PHF21A: variants seen among roughly 807,000 people sequenced by gnomAD.
PHF21A encodes BHC80a.
A neutral mutation model predicts 82.5 loss-of-function variants in PHF21A; 11 were observed. The ratio of observed to expected loss-of-function variants is 0.13; its 90% CI spans 0.08 to 0.22. PHF21A has a LOEUF of 0.22. Among genes scored for constraint, PHF21A ranks in the 10% least tolerant of loss-of-function variants. The pLI, the probability that PHF21A is intolerant of heterozygous loss-of-function variation, is 1.00. For synonymous variants in PHF21A, 297 were observed against 302.8 expected (o/e 0.98, Z 0.20); for missense variants, 579 against 837.8 (o/e 0.69, Z 3.81).
At position 46,079,916 on chromosome 11, in the gene PHF21A, G is replaced by A. The variant is rs11820157; in HGVS notation, c.55-750C>T. Among the ~76,000 whole-genome samples the A allele has an allele frequency of 6.9e-3, 1,057 of 152,210 alleles. 9 individuals are homozygous for A. The highest frequency in any genetic ancestry group is 0.024 in the African/African-American group (1,007 of 41,542). On this transcript the variant is annotated intron_variant, in intron 4 of 18. Transcript: ENST00000676320. ...GAAAGGAAAGGAAAGGAAGAAAAAT[G>A]AATGTCTTTTGACCTAACCCAACTT...
intron 6 of PHF21A, among the ~76,000 whole-genome samples, chr11:45,989,689 A>AAT (rs1201674507): frequency 2.0e-5 from 3 of 150,130 alleles, no homozygotes; most frequent in Non-Finnish European, 4.4e-5. Flanking sequence ...TAAATAAATA[A>AAT]AAATAAAAAT....
chr11:46,105,713 T>C (rs575601486), intron 1 of PHF21A, among the ~76,000 whole-genome samples: 7 of 152,164 alleles, frequency 4.6e-5, no homozygotes, highest in African/African-American at 1.7e-4. Context: ...AAAAGCAAAA[T>C]TCTCATAATT....
At chr11:46,076,205 T>C (rs2096723147) in intron 6 of PHF21A, among the ~76,000 whole-genome samples, 1 of 152,260 alleles carries the variant, frequency 6.6e-6, no homozygotes, top group Non-Finnish European at 1.5e-5. Flanking sequence ...AAGCAAGATG[T>C]TCTTCTCCTG....
intron 4 of PHF21A, among the ~76,000 whole-genome samples, chr11:46,080,333 A>AT (rs2096775547): frequency 6.6e-6 from 1 of 151,220 alleles, no homozygotes; most frequent in African/African-American, 2.4e-5. Flanking sequence ...TAATTTTTTA[A>AT]TTTTTTGTAG....
intron 6 of PHF21A, among the ~76,000 whole-genome samples, chr11:46,043,265 T>C (rs2096188978): frequency 6.6e-6 from 1 of 152,184 alleles, no homozygotes; most frequent in South Asian, 2.1e-4. Flanking sequence ...CAAGGACTTC[T>C]TTCGAAAGTT....
At chr11:46,020,761 T>C (rs1411243722) in intron 6 of PHF21A, among the ~76,000 whole-genome samples, 2 of 152,222 alleles carry the variant, frequency 1.3e-5, no homozygotes, top group Non-Finnish European at 2.9e-5. Flanking sequence ...ATGATAGTTA[T>C]GGTTGAAAAA....
At chr11:45,952,682 G>C (rs1360864883) in intron 11 of PHF21A, among the ~76,000 whole-genome samples, 1 of 152,124 alleles carries the variant, frequency 6.6e-6, no homozygotes, top group African/African-American at 2.4e-5. Context: ...TAGGAAACCT[G>C]AACTGGCTCA....
chr11:45,972,556 T>C (rs567379035), intron 7 of PHF21A, among the ~76,000 whole-genome samples: 2 of 152,342 alleles, frequency 1.3e-5, no homozygotes, highest in South Asian at 2.1e-4. Flanking sequence ...GGCAGGTGGA[T>C]CGTCTGAGGT....
At chr11:46,082,551 T>A (rs2096804919) in intron 4 of PHF21A, among the ~76,000 whole-genome samples, 1 of 152,194 alleles carries the variant, frequency 6.6e-6, no homozygotes, top group African/African-American at 2.4e-5. Flanking sequence ...AAATGTTGTA[T>A]AAAGGATGAA....
chr11:45,936,684 T>C (rs1172222000), intron 16 of PHF21A, 115 bp from the exon 17 acceptor site: 3 of 738,096 alleles, frequency 4.1e-6, no homozygotes, highest in Non-Finnish European at 4.8e-6. Context: ...GAAGGATTTA[T>C]GGTAGCAGTG....
chr11:45,965,272 C>A, intron 10 of PHF21A, 43 bp downstream of exon 10: 1 of 1,573,156 alleles, frequency 6.4e-7, no homozygotes, highest in Non-Finnish European at 8.7e-7. Context: ...TATGCCTCAA[C>A]GACAAGGCTA....
At chr11:46,097,371 C>T (rs557196659) in intron 1 of PHF21A, among the ~76,000 whole-genome samples, 1 of 152,244 alleles carries the variant, frequency 6.6e-6, no homozygotes, top group South Asian at 2.1e-4. Context: ...ATCGCTCAAT[C>T]CTTTCCAGCA....
chr11:46,005,066 C>A (rs897244355), intron 6 of PHF21A, among the ~76,000 whole-genome samples: 1 of 152,104 alleles, frequency 6.6e-6, no homozygotes, highest in African/African-American at 2.4e-5. Context: ...ATACAGCAGT[C>A]CCCCACATCA....
chr11:45,989,428 G>C (rs2094600963), intron 6 of PHF21A, among the ~76,000 whole-genome samples: 1 of 147,728 alleles, frequency 6.8e-6, no homozygotes. Context: ...GCCGAAGTGG[G>C]CAGATCACAA....
intron 6 of PHF21A, among the ~76,000 whole-genome samples, chr11:46,046,221 A>G (rs1163447825): frequency 1.3e-5 from 2 of 152,170 alleles, no homozygotes; most frequent in Admixed American, 6.5e-5. Flanking sequence ...CAGCAGCAGA[A>G]ATCCAGGTCC....
chr11:46,007,094 A>G (rs975043369), intron 6 of PHF21A, among the ~76,000 whole-genome samples: 11 of 152,192 alleles, frequency 7.2e-5, no homozygotes, highest in African/African-American at 2.7e-4. Context: ...GACTAACTTA[A>G]AAAGTGATCT....
At chr11:45,980,804 T>C (rs2094244540) in intron 6 of PHF21A, among the ~76,000 whole-genome samples, 1 of 152,200 alleles carries the variant, frequency 6.6e-6, no homozygotes, top group Non-Finnish European at 1.5e-5. Context: ...ATCCCAGTAA[T>C]ATGCCATATA....
chr11:45,942,779 T>C (rs146932386), intron 15 of PHF21A, among the ~76,000 whole-genome samples: 3 of 152,316 alleles, frequency 2.0e-5, no homozygotes, highest in Non-Finnish European at 4.4e-5. Flanking sequence ...TGCTGCTCCT[T>C]GGAGAGGGGT....
chr11:46,013,257 AT>A (rs1378529283), intron 6 of PHF21A, among the ~76,000 whole-genome samples: 2 of 152,150 alleles, frequency 1.3e-5, no homozygotes, highest in African/African-American at 4.8e-5. Flanking sequence ...AGAAAAAATA[AT>A]CCATAAGTTT....
Sources: allele counts gnomAD v4.1 joint callset (sites outside exome capture counted in the v4.1 genomes callset), GRCh38; gene constraint gnomAD v4.1.1; transcripts MANE v1.5; gene names NCBI Gene and HGNC (gene_info 2026-07-23, HGNC 2026-07-21).